The following ASAP1 variants were observed in gnomAD, a reference collection of about 807,000 sequenced individuals.
ASAP1 encodes arf-GAP with SH3 domain, ANK repeat and PH domain-containing protein 1.
ASAP1 carries 43 observed loss-of-function variants against 145.2 expected under a neutral mutation model. That is an observed-to-expected ratio of 0.30 (90% CI 0.23 to 0.38). The LOEUF (loss-of-function observed/expected upper bound fraction) is 0.38. ASAP1 is among the 10% of genes least tolerant of loss of function. The probability of loss-of-function intolerance (pLI) is 1.00; values close to 1 mark genes in which losing one functional copy is unlikely to be tolerated. For missense variants in ASAP1, 1,018 were observed against 1,355.3 expected (o/e 0.75, Z 3.91); for synonymous variants, 546 against 515.5 (o/e 1.06, Z -0.80).
At chr8:130,289,312 G>A (rs781139723) in intron 3 of ASAP1, among the ~76,000 whole-genome samples, 4 of 152,164 alleles carry the variant, frequency 2.6e-5, no homozygotes, top group Non-Finnish European at 5.9e-5. Flanking sequence ...ACAAAAACAT[G>A]CACAGAAAAA....
At chr8:130,400,369 A>T (rs1180454656) in intron 2 of ASAP1, among the ~76,000 whole-genome samples, 2 of 151,970 alleles carry the variant, frequency 1.3e-5, no homozygotes, top group African/African-American at 4.8e-5. Context: ...ACAAACTTTC[A>T]TCCACTGAGG....
intron 3 of ASAP1, among the ~76,000 whole-genome samples, chr8:130,257,125 G>A (rs775820949): frequency 6.6e-6 from 1 of 151,920 alleles, no homozygotes; most frequent in Non-Finnish European, 1.5e-5. Flanking sequence ...TATTTAGAGG[G>A]TATGTCTTTG....
At chr8:130,357,881 A>G in intron 3 of ASAP1, 136 bp downstream of exon 3, 1 of 1,239,564 alleles carries the variant, frequency 8.1e-7, no homozygotes, top group Non-Finnish European at 1.1e-6. Flanking sequence ...GAAGTCCCTT[A>G]TTCACCCGGC....
chr8:130,258,349 C>T (rs1819693698), intron 3 of ASAP1, among the ~76,000 whole-genome samples: 1 of 152,208 alleles, frequency 6.6e-6, no homozygotes, highest in South Asian at 2.1e-4. Context: ...ATATTTAACA[C>T]AGCCACCTTC....
chr8:130,121,784 CAAAAAA>C (rs56996962), intron 18 of ASAP1, among the ~76,000 whole-genome samples: 2 of 25,406 alleles, frequency 7.9e-5, no homozygotes, highest in Non-Finnish European at 9.3e-5. Context: ...AATTCCATCT[CAAAAAA>C]AAAAAAAAAA....
chr8:130,108,763 T>G (rs946486922), intron 24 of ASAP1, among the ~76,000 whole-genome samples: 2 of 61,688 alleles, frequency 3.2e-5, no homozygotes, highest in Non-Finnish European at 7.4e-5. Flanking sequence ...ACCAGTTTTT[T>G]TTTTTTTTTT....
At chr8:130,118,313 T>C (rs2097559733) in intron 19 of ASAP1, 67 bp from the exon 20 acceptor site, 9 of 1,495,702 alleles carry the variant, frequency 6.0e-6, no homozygotes, top group Non-Finnish European at 8.3e-6. Context: ...TTCATATATA[T>C]CAGTTGCCCC....
chr8:130,176,822 C>G (rs535858145), intron 9 of ASAP1, among the ~76,000 whole-genome samples: 11 of 152,128 alleles, frequency 7.2e-5, no homozygotes, highest in African/African-American at 2.7e-4. Flanking sequence ...TCCCAAGTAG[C>G]TGGGATTACA....
intron 3 of ASAP1, among the ~76,000 whole-genome samples, chr8:130,282,758 T>C (rs984618099): frequency 6.6e-6 from 1 of 152,144 alleles, no homozygotes; most frequent in Non-Finnish European, 1.5e-5. Flanking sequence ...TAATTTGAAA[T>C]AGAGTGTGGT....
In ASAP1 at chr8:130,167,608, C is replaced by T. The variant is rs769925778; in HGVS notation, c.837G>A (p.Gln279=). ...CAGTTAGCTGTTTCTTTTCTTCATC[C>T]TGGGTCTGTTTTATCTATGAAAAAA... The part of the protein sequence containing the change: ...AADLYNIKQT[Q]DEEKKQLTAL... The change falls in exon 11 of 30, where the codon CAG becomes CAA. Residue 279 remains glutamine, a synonymous_variant. Coordinates refer to ENST00000518721, the MANE Select transcript of ASAP1 (RefSeq NM_018482.4). The T allele has an allele frequency of 1.2e-6, 2 of 1,611,772 alleles. No homozygotes were observed. The highest frequency in any genetic ancestry group is 1.7e-6 in the Non-Finnish European group (2 of 1,178,552).
intron 24 of ASAP1, among the ~76,000 whole-genome samples, chr8:130,098,176 C>T (rs1441525673): frequency 6.6e-6 from 1 of 152,142 alleles, no homozygotes. Context: ...TGGCAAGTCA[C>T]AGCAAATGAG....
chr8:130,355,841 T>A (rs982690248), intron 3 of ASAP1, among the ~76,000 whole-genome samples: 1 of 152,162 alleles, frequency 6.6e-6, no homozygotes, highest in Admixed American at 6.5e-5. Flanking sequence ...ACCTCAAGAA[T>A]TAAAATATGC....
chr8:130,129,350 C>T (rs763051873), intron 15 of ASAP1, among the ~76,000 whole-genome samples: 8 of 152,090 alleles, frequency 5.3e-5, no homozygotes, highest in Non-Finnish European at 1.0e-4. Context: ...TTCACAAATA[C>T]GTCAATAGTG....
At chr8:130,278,500 T>C (rs1821057747) in intron 3 of ASAP1, among the ~76,000 whole-genome samples, 1 of 152,222 alleles carries the variant, frequency 6.6e-6, no homozygotes, top group South Asian at 2.1e-4. Flanking sequence ...TCTGTTTCAT[T>C]AGAAACACAT....
Position 130,142,671 on chromosome 8 carries a change from G to A in ASAP1, c.1081-5633C>T, listed in dbSNP as rs77402262. The stretch of plus-strand genomic sequence containing the variant: ...CCTCAACCTTCAGAGAGGACTTGGA[G>A]GAGGGAATATGGACAAACTGGGAAG... On this transcript the variant is annotated intron_variant, in intron 13 of 29. Transcript: ENST00000518721. Among the ~76,000 whole-genome samples the A allele has an allele frequency of 7.1e-3, 1,081 of 152,306 alleles. 16 individuals are homozygous for A. Among genetic ancestry groups the A allele is most frequent in the African/African-American group, 0.025 (1,035 of 41,558 alleles).
intron 3 of ASAP1, among the ~76,000 whole-genome samples, chr8:130,297,683 G>T (rs1822370494): frequency 6.6e-6 from 1 of 152,234 alleles, no homozygotes; most frequent in Non-Finnish European, 1.5e-5. Context: ...GGGGAATTTA[G>T]GTTCTGAGTC....
chr8:130,071,105 T>C (rs377103476), intron 27 of ASAP1, among the ~76,000 whole-genome samples: 68 of 150,514 alleles, frequency 4.5e-4, no homozygotes, highest in African/African-American at 1.5e-3. Context: ...CCCTACCCGA[T>C]GCAGTGATCC....
chr8:130,319,473 CT>C (rs1183114699), intron 3 of ASAP1, among the ~76,000 whole-genome samples: 23 of 152,100 alleles, frequency 1.5e-4, no homozygotes, highest in Admixed American at 1.5e-3. Context: ...GTGTGGTACC[CT>C]TCTTGCAGGG....
At chr8:130,235,209 A>T (rs1208772616) in intron 4 of ASAP1, among the ~76,000 whole-genome samples, 1 of 152,128 alleles carries the variant, frequency 6.6e-6, no homozygotes, top group Non-Finnish European at 1.5e-5. Flanking sequence ...TTATATGTAT[A>T]CTATGGTTTA....
Sources: allele counts gnomAD v4.1 joint callset (sites outside exome capture counted in the v4.1 genomes callset), GRCh38; gene constraint gnomAD v4.1.1; transcripts MANE v1.5; gene names NCBI Gene and HGNC (gene_info 2026-07-23, HGNC 2026-07-21).